KLHL41: variants seen among roughly 807,000 people sequenced by gnomAD.
The protein encoded by KLHL41 is kelch like family member 41, also known as kelch-like protein 41.
KLHL41 carries 31 observed loss-of-function variants against 49.2 expected under a neutral mutation model. The ratio of observed to expected loss-of-function variants is 0.63; its 90% confidence interval spans 0.47 to 0.85. The LOEUF is 0.85. KLHL41 is among the 40% of genes least tolerant of loss of function. The probability of loss-of-function intolerance (pLI) is 0.00; values close to 1 mark genes in which losing one functional copy is unlikely to be tolerated. For synonymous variants in KLHL41, 218 were observed against 258.5 expected (o/e 0.84, Z 1.50); for missense variants, 663 against 726.7 (o/e 0.91, Z 1.01).
chr2:169,523,655 C>G (rs1684237001), intron 5 of KLHL41, among the ~76,000 whole-genome samples: 1 of 152,150 alleles, frequency 6.6e-6, no homozygotes, highest in Non-Finnish European at 1.5e-5. Context: ...ACCTAGGCAT[C>G]AGTATCTTTA....
chr2:169,515,903 T>G (rs1235050713), intron 3 of KLHL41, among the ~76,000 whole-genome samples: 3 of 152,184 alleles, frequency 2.0e-5, no homozygotes, highest in Non-Finnish European at 1.5e-5. Context: ...CCCAGTATCT[T>G]GTGAGAAAAC....
At chr2:169,520,004 T>A (rs1163539426) in intron 4 of KLHL41, among the ~76,000 whole-genome samples, 1 of 152,134 alleles carries the variant, frequency 6.6e-6, no homozygotes, top group Non-Finnish European at 1.5e-5. Flanking sequence ...CTTGAATTTT[T>A]TTTTCCCCCC....
chr2:169,518,217 C>T lies in KLHL41; in HGVS notation c.1404C>T (p.Phe468=). 1 of 1,613,176 alleles carries T rather than the reference C, an allele frequency of 6.2e-7. No individual in the cohort carries two copies. Among genetic ancestry groups the T allele is most frequent in the Non-Finnish European group, 8.5e-7 (1 of 1,179,490 alleles). ...AATGTACAAACAGGGTGTTTATCTT[C>T]AACCCCAAAAAAGGAGATTGGAAAG... ...DKKCTNRVFI[F]NPKKGDWKDL... Residue 468 remains phenylalanine (F), a synonymous_variant, in exon 4 of 6, where the codon TTC becomes TTT. Coordinates refer to ENST00000284669, the MANE Select transcript of KLHL41 (RefSeq NM_006063.3).
intron 4 of KLHL41, among the ~76,000 whole-genome samples, chr2:169,520,275 A>AGT (rs71003095): frequency 0.038 from 2,170 of 56,930 alleles, 213 homozygotes; most frequent in African/African-American, 0.068. Flanking sequence ...CTCCTGCCTC[A>AGT]GTGTGTGTGT....
intron 5 of KLHL41, among the ~76,000 whole-genome samples, chr2:169,523,024 C>T (rs1308771354): frequency 6.6e-6 from 1 of 151,938 alleles, no homozygotes; most frequent in African/African-American, 2.4e-5. Flanking sequence ...AGCCCAGCCC[C>T]AGATGATTCT....
At chr2:169,525,528 C>T (rs1684289689) in intron 5 of KLHL41, 57 bp from the exon 6 acceptor site, 1 of 1,056,936 alleles carries the variant, frequency 9.5e-7, no homozygotes, top group Admixed American at 1.7e-5. Context: ...ATTCTGAACA[C>T]AGGGAAACCT....
chr2:169,521,071 TGTAGTAAACAATAAGCCAGA>T, intron 5 of KLHL41, 64 bp downstream of exon 5: 1 of 1,497,828 alleles, frequency 6.7e-7, no homozygotes, highest in Non-Finnish European at 9.2e-7. Flanking sequence ...TAAACTATTT[TGTAGTAAACAATAAGCCAGA>T]TTTTCCCAAC....
chr2:169,519,388 C>T (rs540806656), intron 4 of KLHL41, among the ~76,000 whole-genome samples: 8 of 152,100 alleles, frequency 5.3e-5, no homozygotes, highest in African/African-American at 7.2e-5. Flanking sequence ...TTTTGTGGAA[C>T]ACTATTTAAA....
rs144844327 is a variant in KLHL41 at position 169,510,297 on chromosome 2, A to T, written c.519A>T (p.Gln173His). ...VQICKEEDFM[Q>H]LSPQELISVI... ...TTTGTAAGGAAGAGGACTTTATGCA[A>T]CTGTCTCCACAGGAACTGATCTCAG... The change falls in exon 1 of 6, where the codon CAA (glutamine) becomes CAT (histidine). Residue 173 changes from glutamine to histidine, a missense_variant. By Grantham distance (24) the Gln-to-His change is conservative. This residue lies in a region of KLHL41 where 528 missense variants were observed against 581.0 expected (regional missense o/e 0.91). Transcript: ENST00000284669. The surrounding 1 kb of genome is among the most constrained non-coding windows in gnomAD (Gnocchi z 4.2). The T allele has an allele frequency of 1.8e-5, 29 of 1,613,990 alleles. No individual in the cohort carries two copies. In the African/African-American group the frequency reaches 3.3e-4, roughly 19 times the overall value.
chr2:169,525,388 T>G (rs1399086690), intron 5 of KLHL41, among the ~76,000 whole-genome samples, 197 bp from the exon 6 acceptor site: 2 of 152,248 alleles, frequency 1.3e-5, no homozygotes, highest in Non-Finnish European at 2.9e-5. Flanking sequence ...TTAAATACTG[T>G]GGCAGTAGTT....
chr2:169,509,814 G>C lies in KLHL41; in HGVS notation c.36G>C (p.Arg12=). Residue 12 remains arginine (R), a synonymous_variant, in exon 1 of 6, where the codon CGG becomes CGC. Coordinates refer to ENST00000284669, the MANE Select transcript of KLHL41 (RefSeq NM_006063.3). ...DSQRELAEEL[R]LYQSTLLQDG... The stretch of plus-strand genomic sequence containing the variant: ...AGCGGGAACTTGCAGAGGAACTGCG[G>C]CTTTACCAATCCACCCTTCTTCAGG... The C allele has an allele frequency of 5.0e-6, 8 of 1,613,304 alleles. No homozygotes were observed. Among genetic ancestry groups the C allele is most frequent in the Non-Finnish European group, 6.8e-6 (8 of 1,179,942 alleles).
At chr2:169,515,012 A>C in intron 3 of KLHL41, 51 bp downstream of exon 3, 1 of 1,124,082 alleles carries the variant, frequency 8.9e-7, no homozygotes, top group Non-Finnish European at 1.3e-6. Context: ...TTTTATTAGA[A>C]GGGTTTCTTC....
chr2:169,510,991 T>A lies in KLHL41; in HGVS notation c.1110+103T>A. ...TATTCAAGCTGCTTGCATTTTACTC[T>A]AATTGATGTCCTATTCCAGTCCCTT... On this transcript the variant is annotated intron_variant, in intron 1 of 5. Transcript: ENST00000284669. The surrounding 1 kb of genome is among the most constrained non-coding windows in gnomAD (Gnocchi z 4.2). 1 of 958,484 alleles carries A rather than the reference T, an allele frequency of 1.0e-6. No homozygotes were observed. Among genetic ancestry groups the A allele is most frequent in the Non-Finnish European group, 1.6e-6 (1 of 633,268 alleles). The allele number at this position is 958,484 out of a possible 1,614,324, so 59.4% of individuals were successfully genotyped here.
chr2:169,515,111 G>GTCT, intron 3 of KLHL41, 150 bp downstream of exon 3: 6 of 489,454 alleles, frequency 1.2e-5, no homozygotes, highest in Non-Finnish European at 2.1e-5. Context: ...TCGGCTCACT[G>GTCT]CAACCGCCGC....
intron 3 of KLHL41, among the ~76,000 whole-genome samples, chr2:169,516,458 G>A (rs1339512513): frequency 2.0e-5 from 3 of 152,070 alleles, no homozygotes; most frequent in Non-Finnish European, 4.4e-5. Context: ...TGCTTACCTG[G>A]TGCCAGATCT....
In KLHL41 at chr2:169,510,144, C is replaced by T. The variant is rs199941904; in HGVS notation, c.366C>T (p.Cys122=). ...RFQIPSVFTV[C]VSYLQKRLAP... ...AGATCCCCTCAGTGTTTACTGTCTGCGTTTCTTATCTTCAGAAAAGACTTG... is the reference window on the plus strand; with the variant it reads ...AGATCCCCTCAGTGTTTACTGTCTGTGTTTCTTATCTTCAGAAAAGACTTG... Residue 122 remains cysteine (C), a synonymous_variant, in exon 1 of 6, where the codon TGC becomes TGT. Transcript: ENST00000284669. This position sits in a 1 kb window ranked among gnomAD's most constrained non-coding sequence, Gnocchi z 4.2. 33 of 1,613,958 alleles carry T rather than the reference C, an allele frequency of 2.0e-5. No homozygotes were observed. The highest frequency in any genetic ancestry group is 2.5e-5 in the Non-Finnish European group (30 of 1,180,014).
At chr2:169,515,364 A>C (rs1684101229) in intron 3 of KLHL41, among the ~76,000 whole-genome samples, 1 of 152,054 alleles carries the variant, frequency 6.6e-6, no homozygotes, top group African/African-American at 2.4e-5. Context: ...CTGCACACTA[A>C]AATGGGACAT....
chr2:169,520,697 C>T (rs1437723938), intron 4 of KLHL41, among the ~76,000 whole-genome samples, 164 bp from the exon 5 acceptor site: 1 of 152,170 alleles, frequency 6.6e-6, no homozygotes, highest in African/African-American at 2.4e-5. Flanking sequence ...AGGTGATCTA[C>T]CCGTCTCAGC....
chr2:169,511,483 TTC>T (rs1369335219), intron 1 of KLHL41, among the ~76,000 whole-genome samples: 15 of 152,218 alleles, frequency 9.9e-5, no homozygotes, highest in African/African-American at 3.6e-4. Flanking sequence ...CTTTTTTAAT[TTC>T]TTTTTCTTCT....
Sources: allele counts gnomAD v4.1 joint callset (sites outside exome capture counted in the v4.1 genomes callset), GRCh38; gene constraint gnomAD v4.1.1; regional missense constraint gnomAD v4.1.1; non-coding constraint Gnocchi (gnomAD v3.1); transcripts MANE v1.5; gene names NCBI Gene and HGNC (gene_info 2026-07-23, HGNC 2026-07-21).